RAD52: variants seen among roughly 807,000 people sequenced by gnomAD.
RAD52 encodes the protein DNA repair protein RAD52 homolog.
In RAD52, 47 loss-of-function variants were observed where a neutral mutation model predicts 55.5. The ratio of observed to expected loss-of-function variants is 0.85; its 90% CI spans 0.67 to 1.08. The LOEUF (loss-of-function observed/expected upper bound fraction) is 1.08. Ranked by LOEUF, RAD52 falls within the 50% of genes least tolerant of loss-of-function variation. RAD52 has a pLI of 0.00. For synonymous variants in RAD52, 184 were observed against 198.9 expected, an observed-to-expected ratio of 0.92 and a Z score of 0.63; for missense variants, 468 against 522.8, an observed-to-expected ratio of 0.90 and a Z score of 1.02.
At chr12:926,702 T>G (rs928189028) in intron 6 of RAD52, 2 of 1,302,926 alleles carry the variant, frequency 1.5e-6, no homozygotes, top group Non-Finnish European at 2.1e-6. Context: ...CTCCTTTATT[T>G]ATAAATTACC....
intron 1 of RAD52, among the ~76,000 whole-genome samples, chr12:958,653 G>A (rs140454717): frequency 6.6e-6 from 1 of 152,320 alleles, no homozygotes; most frequent in Non-Finnish European, 1.5e-5. Flanking sequence ...AAATGCTGCT[G>A]GCCACAGAAT....
chr12:953,904 C>T (rs1266773419), upstream of RAD52, among the ~76,000 whole-genome samples: 1 of 152,118 alleles, frequency 6.6e-6, no homozygotes, highest in African/African-American at 2.4e-5. Context: ...GCAGTGGAAC[C>T]GTTGGGTGAC....
Position 973,770 on chromosome 12 carries a change from C to T in RAD52, c.-19+16039G>A, listed in dbSNP as rs117517874. ...TTCGGATTACAGGCATGAGCCACCA[C>T]GCCCAGTCCTTCTTTTTTTTTTTTT... On this transcript the variant is annotated intron_variant, in intron 1 of 11. Coordinates refer to the RAD52 transcript ENST00000430095. Among the ~76,000 whole-genome samples, 289 of 147,330 alleles carry T rather than the reference C, an allele frequency of 2.0e-3. 6 individuals carry two copies. In the East Asian group the frequency reaches 0.044, roughly 23 times the overall value.
intron 1 of RAD52, among the ~76,000 whole-genome samples, chr12:978,171 T>C (rs1198632017): frequency 2.0e-5 from 3 of 152,228 alleles, no homozygotes; most frequent in African/African-American, 4.8e-5. Context: ...CTGGACTATC[T>C]TTCCAAAGAC....
At chr12:915,651 G>A (rs1011635574) in intron 9 of RAD52, among the ~76,000 whole-genome samples, 1 of 151,994 alleles carries the variant, frequency 6.6e-6, no homozygotes, top group Non-Finnish European at 1.5e-5. Context: ...AAAAGTTCCC[G>A]TTATTCTCAA....
intron 1 of RAD52, among the ~76,000 whole-genome samples, chr12:979,381 C>T (rs947298342): frequency 6.6e-6 from 1 of 151,838 alleles, no homozygotes; most frequent in African/African-American, 2.4e-5. Flanking sequence ...GTGGAGGTTG[C>T]AGTGAGCCAA....
At chr12:927,795 G>C (rs546451075) in intron 5 of RAD52, among the ~76,000 whole-genome samples, 9 of 152,078 alleles carry the variant, frequency 5.9e-5, no homozygotes, top group Non-Finnish European at 1.2e-4. Flanking sequence ...GAACCTGGGA[G>C]GCAGAGGTTG....
intron 1 of RAD52, among the ~76,000 whole-genome samples, chr12:957,092 T>C (rs547420936): frequency 6.6e-6 from 1 of 152,260 alleles, no homozygotes; most frequent in South Asian, 2.1e-4. Flanking sequence ...CTGGGCCAAC[T>C]ACCTTCAGAT....
chr12:926,739 C>A, intron 6 of RAD52: 1 of 1,464,626 alleles, frequency 6.8e-7, no homozygotes, highest in Non-Finnish European at 9.2e-7. Flanking sequence ...TGTATAGCAA[C>A]ATAAATGGAC....
At chr12:973,364 T>C (rs374227587) in intron 1 of RAD52, among the ~76,000 whole-genome samples, 9 of 152,190 alleles carry the variant, frequency 5.9e-5, no homozygotes, top group East Asian at 3.9e-4. Context: ...CCACCACACC[T>C]GGCCAGAAAT....
intron 7 of RAD52, among the ~76,000 whole-genome samples, chr12:918,081 A>G (rs1956504653): frequency 6.6e-6 from 1 of 152,216 alleles, no homozygotes. Context: ...AGAACCTACT[A>G]AAACTAAACA....
At chr12:933,146 T>TA in intron 1 of RAD52, 70 bp from the exon 2 acceptor site, 1 of 1,129,334 alleles carries the variant, frequency 8.9e-7, no homozygotes, top group Non-Finnish European at 1.3e-6. Flanking sequence ...CAAGAGCCTC[T>TA]ACTGAAAAAT....
chr12:965,786 A>G (rs1227839681), intron 1 of RAD52, among the ~76,000 whole-genome samples: 1 of 151,834 alleles, frequency 6.6e-6, no homozygotes, highest in Non-Finnish European at 1.5e-5. Context: ...TCCAGGTTCA[A>G]GTGATTTTTC....
intron 1 of RAD52, among the ~76,000 whole-genome samples, chr12:935,948 A>AC (rs1257868124): frequency 1.3e-5 from 2 of 150,566 alleles, no homozygotes; most frequent in Non-Finnish European, 3.0e-5. Flanking sequence ...CGAACTCCTG[A>AC]CCTCAAGTGA....
intron 1 of RAD52, among the ~76,000 whole-genome samples, chr12:985,482 C>A (rs377365491): frequency 6.6e-6 from 1 of 152,160 alleles, no homozygotes; most frequent in Non-Finnish European, 1.5e-5. Flanking sequence ...TTTGGTCTCA[C>A]AGCTAAGAAA....
chr12:923,149 C>T (rs933430769), intron 7 of RAD52, among the ~76,000 whole-genome samples: 19 of 151,848 alleles, frequency 1.3e-4, no homozygotes, highest in African/African-American at 4.6e-4. Context: ...GGAGCCACAG[C>T]GCCTAACCTA....
chr12:954,421 C>CCT (rs1958577907), upstream of RAD52, among the ~76,000 whole-genome samples: 1 of 152,150 alleles, frequency 6.6e-6, no homozygotes, highest in African/African-American at 2.4e-5. Context: ...CACTTGAGGT[C>CCT]AGGAGTTTGA....
chr12:927,288 C>T (rs1957089456), intron 5 of RAD52, 25 bp from the exon 6 acceptor site: 3 of 1,552,082 alleles, frequency 1.9e-6, no homozygotes, highest in Non-Finnish European at 2.7e-6. Context: ...GGAGTTTGAA[C>T]TCAAACACGA....
chr12:941,910 T>G (rs191702997), intron 1 of RAD52, among the ~76,000 whole-genome samples: 3 of 152,292 alleles, frequency 2.0e-5, no homozygotes, highest in Admixed American at 6.5e-5. Context: ...GTGCTGGGAT[T>G]ACAGGCATAA....
Sources: gnomAD v4.1 joint callset for allele counts (sites outside exome capture counted in the v4.1 genomes callset) on GRCh38, gnomAD v4.1.1 for gene constraint, MANE v1.5 for transcripts, NCBI Gene and HGNC (gene_info 2026-07-23, HGNC 2026-07-21) for gene names.